FERRY3: variants seen among roughly 807,000 people sequenced by gnomAD.
The protein encoded by FERRY3 is protein C12orf4.
chr12:4,525,605 C>T, the FERRY3 span: 2 of 1,527,900 alleles, frequency 1.3e-6, no homozygotes, highest in Non-Finnish European at 1.8e-6. Flanking sequence ...ATAAACAAAT[C>T]AGGGATATTC....
the FERRY3 span, among the ~76,000 whole-genome samples, chr12:4,498,707 G>A: frequency 6.6e-6 from 1 of 152,198 alleles, no homozygotes; most frequent in Non-Finnish European, 1.5e-5. Flanking sequence ...CAGTTTCACG[G>A]AAGTCAATTT....
At chr12:4,513,495 A>G in the FERRY3 span, among the ~76,000 whole-genome samples, 1 of 149,680 alleles carries the variant, frequency 6.7e-6, no homozygotes, top group Non-Finnish European at 1.5e-5. Context: ...TTCAAACTAT[A>G]CTACAAGGCT....
the FERRY3 span, chr12:4,508,968 G>A: frequency 5.9e-5 from 9 of 152,822 alleles, no homozygotes; most frequent in African/African-American, 2.2e-4. Context: ...CGCAGAAGAC[G>A]GGTGATTTCT....
chr12:4,530,499 A>C, the FERRY3 span, among the ~76,000 whole-genome samples: 1 of 152,236 alleles, frequency 6.6e-6, no homozygotes, highest in Non-Finnish European at 1.5e-5. Flanking sequence ...ACATAATCAG[A>C]GAAAACTTTT....
the FERRY3 span, among the ~76,000 whole-genome samples, chr12:4,507,254 G>A: frequency 1.4e-4 from 22 of 152,056 alleles, no homozygotes; most frequent in African/African-American, 3.4e-4. Flanking sequence ...CTATTTTTAC[G>A]TAATATGGAT....
the FERRY3 span, among the ~76,000 whole-genome samples, chr12:4,517,767 C>T: frequency 6.9e-6 from 1 of 145,792 alleles, no homozygotes; most frequent in African/African-American, 2.6e-5. Context: ...AATCACCAAG[C>T]CAGAATTTGC....
chr12:4,525,625 T>C, the FERRY3 span: 2 of 1,397,814 alleles, frequency 1.4e-6, no homozygotes, highest in Admixed American at 3.6e-5. Flanking sequence ...CATCAAACTT[T>C]CAAGGTATAT....
the FERRY3 span, among the ~76,000 whole-genome samples, chr12:4,510,750 A>C: frequency 6.8e-6 from 1 of 146,726 alleles, no homozygotes; most frequent in African/African-American, 2.6e-5. Context: ...AGGAAGCGCT[A>C]AACATGGAAA....
chr12:4,520,669 T>C, the FERRY3 span, among the ~76,000 whole-genome samples: 2 of 152,158 alleles, frequency 1.3e-5, no homozygotes, highest in African/African-American at 4.8e-5. Context: ...TTGGGTACAG[T>C]GTACATTGCT....
the FERRY3 span, chr12:4,505,424 G>T: frequency 7.6e-7 from 1 of 1,308,854 alleles, no homozygotes. Context: ...AACAACATAT[G>T]AGAATATGTT....
the FERRY3 span, chr12:4,536,059 G>T: frequency 6.2e-7 from 1 of 1,606,300 alleles, no homozygotes; most frequent in Non-Finnish European, 8.5e-7. Flanking sequence ...AGCATCAGAC[G>T]TCCATGCAAA....
At chr12:4,507,520 A>G in the FERRY3 span, among the ~76,000 whole-genome samples, 2 of 147,596 alleles carry the variant, frequency 1.4e-5, no homozygotes, top group African/African-American at 5.4e-5. Context: ...CCTTTAACCC[A>G]GGAATTATCT....
chr12:4,517,277 AAAT>A, the FERRY3 span: 2 of 1,244,114 alleles, frequency 1.6e-6, no homozygotes, highest in Non-Finnish European at 2.1e-6. Flanking sequence ...TAGAAAAAGA[AAAT>A]AATACTTATT....
chr12:4,502,684 A>T, the FERRY3 span, among the ~76,000 whole-genome samples: 2 of 152,238 alleles, frequency 1.3e-5, no homozygotes, highest in Admixed American at 1.3e-4. The surrounding 1 kb of genome is among the most constrained non-coding windows in gnomAD (Gnocchi z 4.2). Context: ...AACATACAGT[A>T]TACTTAAAAT....
At chr12:4,530,638 G>C in the FERRY3 span, among the ~76,000 whole-genome samples, 4 of 152,184 alleles carry the variant, frequency 2.6e-5, no homozygotes, top group South Asian at 6.2e-4. Flanking sequence ...TATGCATTTA[G>C]TTTGACCTTT....
the FERRY3 span, among the ~76,000 whole-genome samples, chr12:4,502,038 A>G: frequency 6.6e-6 from 1 of 152,190 alleles, no homozygotes; most frequent in African/African-American, 2.4e-5. The surrounding 1 kb of genome is among the most constrained non-coding windows in gnomAD (Gnocchi z 4.2). Flanking sequence ...TGCTGCCTGG[A>G]GGACTCTTCT....
chr12:4,521,358 A>T, the FERRY3 span, among the ~76,000 whole-genome samples: 1 of 151,954 alleles, frequency 6.6e-6, no homozygotes, highest in Non-Finnish European at 1.5e-5. Flanking sequence ...ACAGAGAAAG[A>T]CTCTGTCTCG....
the FERRY3 span, among the ~76,000 whole-genome samples, chr12:4,506,964 T>C: frequency 6.6e-6 from 1 of 152,210 alleles, no homozygotes; most frequent in Non-Finnish European, 1.5e-5. Flanking sequence ...GAAAGTCTTT[T>C]ATAAACCTAC....
chr12:4,504,968 G>C, the FERRY3 span, among the ~76,000 whole-genome samples: 1 of 152,122 alleles, frequency 6.6e-6, no homozygotes. Flanking sequence ...AGCCGGGTAC[G>C]GTGGCGTGGG....
Sources: gnomAD v4.1 joint callset for allele counts (sites outside exome capture counted in the v4.1 genomes callset) on GRCh38, gnomAD v4.1.1 for gene constraint, Gnocchi (gnomAD v3.1) non-coding constraint, MANE v1.5 for transcripts, NCBI Gene and HGNC (gene_info 2026-07-23, HGNC 2026-07-21) for gene names.